Variants in GLIS3 observed in about 807,000 individuals in gnomAD.
GLIS3 encodes zinc finger protein GLIS3.
GLIS3 carries 53 observed loss-of-function variants against 78.6 expected under a neutral mutation model. The observed-to-expected ratio is 0.67, with a 90% CI of 0.54 to 0.85. GLIS3 has a LOEUF of 0.85. Among genes scored for constraint, GLIS3 ranks in the 40% least tolerant of loss-of-function variants. The probability of loss-of-function intolerance (pLI) is 0.00; values close to 1 mark genes in which losing one functional copy is unlikely to be tolerated. For synonymous variants in GLIS3, 684 were observed against 509.9 expected (o/e 1.34, Z -4.60); for missense variants, 1,703 against 1,231.1 (o/e 1.38, Z -5.74).
At chr9:4,358,766 GT>G in the GLIS3 span, among the ~76,000 whole-genome samples, 1 of 152,220 alleles carries the variant, frequency 6.6e-6, no homozygotes, top group Non-Finnish European at 1.5e-5. Context: ...CCAGGTTACA[GT>G]CTGACTGGCA....
intron 2 of GLIS3, among the ~76,000 whole-genome samples, chr9:4,207,352 C>G (rs1340971762): frequency 6.6e-6 from 1 of 152,194 alleles, no homozygotes; most frequent in African/African-American, 2.4e-5. Context: ...TAGGAATTTC[C>G]ATTCAGCCCA....
intron 2 of GLIS3, among the ~76,000 whole-genome samples, chr9:4,321,229 G>A (rs1211978819): frequency 1.4e-5 from 2 of 143,610 alleles, no homozygotes; most frequent in African/African-American, 2.7e-5. Context: ...GACCATCCTG[G>A]CTAACACGGT....
At chr9:4,112,529 G>A (rs1464730404) in intron 4 of GLIS3, among the ~76,000 whole-genome samples, 1 of 152,116 alleles carries the variant, frequency 6.6e-6, no homozygotes, top group Admixed American at 6.5e-5. Context: ...TGCATCCCAG[G>A]CCAATTACAT....
chr9:3,873,479 C>T (rs575995067), intron 8 of GLIS3, among the ~76,000 whole-genome samples: 7 of 152,126 alleles, frequency 4.6e-5, no homozygotes, highest in Admixed American at 4.6e-4. Context: ...ATATGATCAT[C>T]AGTTAAATAG....
rs200711777 is a variant in GLIS3 at position 4,118,657 on chromosome 9, A to C, written c.821T>G (p.Phe274Cys). The C allele has an allele frequency of 1.7e-5, 28 of 1,614,022 alleles. No homozygotes were observed. The Middle Eastern group carries it at 4.9e-4, about 28-fold the overall frequency. The change falls in exon 4 of 11, where the codon TTT (phenylalanine) becomes TGT (cysteine). Residue 274 changes from phenylalanine (F) to cysteine (C), a missense_variant. Transcript: ENST00000381971. The surrounding 1 kb of genome is among the most constrained non-coding windows in gnomAD (Gnocchi z 4.7). ...AGGAGAGTGGCTACTTTCCGTGCCAAAAAGGTAGGATGGTAATGAGTTAGA... is the reference window on the plus strand; with the variant it reads ...AGGAGAGTGGCTACTTTCCGTGCCACAAAGGTAGGATGGTAATGAGTTAGA... Reference protein sequence around the residue: ...SVSNSLPSYLFGTESSHSPYP... With the variant: ...SVSNSLPSYLCGTESSHSPYP...
chr9:4,472,327 A>G, the GLIS3 span, among the ~76,000 whole-genome samples: 3 of 152,218 alleles, frequency 2.0e-5, no homozygotes, highest in East Asian at 5.8e-4. Flanking sequence ...TTGTGGCACT[A>G]TTCACAATAG....
At chr9:4,212,302 C>T (rs1820444435) in intron 2 of GLIS3, among the ~76,000 whole-genome samples, 1 of 152,218 alleles carries the variant, frequency 6.6e-6, no homozygotes, top group African/African-American at 2.4e-5. Flanking sequence ...GTGATGTCTT[C>T]AGCTTCATTT....
intron 2 of GLIS3, among the ~76,000 whole-genome samples, chr9:4,324,654 A>T (rs1170418039): frequency 1.3e-5 from 2 of 152,214 alleles, no homozygotes; most frequent in Admixed American, 6.5e-5. Context: ...CAATCTGAAC[A>T]CATAGTCCAG....
chr9:4,323,854 A>T (rs1817569362), intron 2 of GLIS3, among the ~76,000 whole-genome samples: 1 of 152,256 alleles, frequency 6.6e-6, no homozygotes, highest in East Asian at 1.9e-4. Flanking sequence ...TCATGAAAAG[A>T]AGCATTTATC....
chr9:4,445,541 GGAGGATTCCTT>G, the GLIS3 span, among the ~76,000 whole-genome samples: 3 of 152,074 alleles, frequency 2.0e-5, no homozygotes, highest in African/African-American at 4.8e-5. Context: ...AGCTGAGGGA[GGAGGATTCCTT>G]GAGCCCAGCA....
chr9:4,430,803 A>G, the GLIS3 span, among the ~76,000 whole-genome samples: 1 of 152,182 alleles, frequency 6.6e-6, no homozygotes, highest in East Asian at 1.9e-4. Context: ...TCAAATTCCA[A>G]CTAGGACATT....
rs549977349 is a variant in GLIS3 at position 3,979,544 on chromosome 9, C to CTT, written c.1711-42357_1711-42356dup. ...GGGACAGTGACTTCTCCTCTATGTG[C>CTT]TTCAGTTTCTTAATTGTTCTGAGTA... On this transcript the variant is annotated intron_variant, in intron 4 of 10. Coordinates refer to ENST00000381971, the MANE Select transcript of GLIS3 (RefSeq NM_001042413.2). Among the ~76,000 whole-genome samples the CTT allele has an allele frequency of 2.6e-5, 4 of 152,296 alleles. No homozygotes were observed. The South Asian group carries it at 8.3e-4, about 32-fold the overall frequency.
chr9:4,435,216 T>G, the GLIS3 span, among the ~76,000 whole-genome samples: 2 of 152,328 alleles, frequency 1.3e-5, no homozygotes, highest in African/African-American at 4.8e-5. Flanking sequence ...CTTTGCTTGC[T>G]TTTTCCCTTC....
chr9:4,275,618 C>G (rs1826914660), intron 2 of GLIS3, among the ~76,000 whole-genome samples: 1 of 142,260 alleles, frequency 7.0e-6, no homozygotes, highest in Non-Finnish European at 1.5e-5. Context: ...AAAAAAAAAG[C>G]CAGGTGTGGT....
chr9:4,173,128 T>C (rs1156273449), intron 2 of GLIS3, among the ~76,000 whole-genome samples: 1 of 152,170 alleles, frequency 6.6e-6, no homozygotes, highest in African/African-American at 2.4e-5. Flanking sequence ...TCATTGCTTA[T>C]TTTTACCTTA....
intron 4 of GLIS3, among the ~76,000 whole-genome samples, chr9:4,084,538 G>A (rs1284553970): frequency 6.6e-6 from 1 of 152,134 alleles, no homozygotes; most frequent in African/African-American, 2.4e-5. Context: ...GTGGAAGTGG[G>A]TGACGGAGAC....
intron 2 of GLIS3, among the ~76,000 whole-genome samples, chr9:4,128,275 G>A (rs1469757896): frequency 3.3e-5 from 5 of 152,176 alleles, no homozygotes; most frequent in South Asian, 2.1e-4. Context: ...TCTGACCACT[G>A]CTTCTTTCAT....
chr9:3,898,845 CA>C lies in GLIS3; in HGVS notation c.1984-11del. On this transcript the variant is annotated splice_polypyrimidine_tract_variant and intron_variant, in intron 6 of 10. Transcript: ENST00000381971. Reference sequence around the variant, plus strand: ...CTGTGCTGGACCGCAACTAAGAGGACAAAACGGAAGAGACATCGATAAGGAG... The same window carrying C: ...CTGTGCTGGACCGCAACTAAGAGGACAAACGGAAGAGACATCGATAAGGAG... The C allele has an allele frequency of 6.2e-7, 1 of 1,613,896 alleles. No homozygotes were observed. Among genetic ancestry groups the C allele is most frequent in the African/African-American group, 1.3e-5 (1 of 75,026 alleles).
At chr9:4,275,505 A>G (rs1457918563) in intron 2 of GLIS3, among the ~76,000 whole-genome samples, 1 of 152,012 alleles carries the variant, frequency 6.6e-6, no homozygotes, top group African/African-American at 2.4e-5. Flanking sequence ...CACAACTGTA[A>G]TCCCAGCACT....
Sources: gnomAD v4.1 joint callset for allele counts (sites outside exome capture counted in the v4.1 genomes callset) on GRCh38, gnomAD v4.1.1 for gene constraint, Gnocchi (gnomAD v3.1) non-coding constraint, MANE v1.5 for transcripts, NCBI Gene and HGNC (gene_info 2026-07-23, HGNC 2026-07-21) for gene names.